UBE4B: variants seen among roughly 807,000 people sequenced by gnomAD.
The protein encoded by UBE4B is ubiquitin conjugation factor E4 B.
Under a neutral mutation model 148.1 loss-of-function variants are expected in UBE4B, and 27 were observed. The observed-to-expected ratio is 0.18, with a 90% CI of 0.13 to 0.25. UBE4B has a LOEUF of 0.25. Ranked by LOEUF, UBE4B falls within the 10% of genes least tolerant of loss-of-function variation. The pLI, the probability that UBE4B is intolerant of heterozygous loss-of-function variation, is 1.00. For synonymous variants in UBE4B, 596 were observed against 619.3 expected (o/e 0.96, Z 0.56); for missense variants, 1,170 against 1,662.4 (o/e 0.70, Z 5.15).
At chr1:10,055,540 A>C (rs1171636548) in intron 1 of UBE4B, among the ~76,000 whole-genome samples, 1 of 152,062 alleles carries the variant, frequency 6.6e-6, no homozygotes, top group East Asian at 1.9e-4. Flanking sequence ...CTGGTTTCCA[A>C]CTCCTGGCTT....
At chr1:10,117,839 T>C (rs1645338777) in intron 8 of UBE4B, among the ~76,000 whole-genome samples, 1 of 152,212 alleles carries the variant, frequency 6.6e-6, no homozygotes, top group South Asian at 2.1e-4. Context: ...ATGGCCTGGC[T>C]TCAGAGTCCT....
Position 10,180,758 on chromosome 1 carries a change from A to G in UBE4B, c.*802A>G, listed in dbSNP as rs749440881. 2.0e-5 allele frequency: 3 copies of G among 152,182 alleles called. No homozygotes were observed. The highest frequency in any genetic ancestry group is 2.9e-5 in the Non-Finnish European group (2 of 68,006). The allele number at this position is 152,182 out of a possible 1,614,324, so 9.4% of individuals were successfully genotyped here. On this transcript the variant is annotated 3_prime_UTR_variant, in exon 28 of 28. Coordinates refer to ENST00000343090, the MANE Select transcript of UBE4B (RefSeq NM_001105562.3). Reference sequence around the variant, plus strand: ...CAGCAAAATCTAGGGGTGTAAGTGTATCAGGACTTATGTGACTTATATTTT... The same window carrying G: ...CAGCAAAATCTAGGGGTGTAAGTGTGTCAGGACTTATGTGACTTATATTTT...
At chr1:10,166,943 A>G (rs886963582) in intron 23 of UBE4B, among the ~76,000 whole-genome samples, 1 of 128,896 alleles carries the variant, frequency 7.8e-6, no homozygotes, top group Non-Finnish European at 1.6e-5. Context: ...TAAATAAATC[A>G]CACACACACA....
rs1646157502 is a variant in UBE4B, at chr1:10,161,387, C to T, written c.3198+101C>T. ...CTGCATTTGTGGGTCTGATGATATG[C>T]GATCTGACATGCTGGGATTTTCCTT... On this transcript the variant is annotated intron_variant, in intron 23 of 27. Transcript: ENST00000343090. This position sits in a 1 kb window ranked among gnomAD's most constrained non-coding sequence, Gnocchi z 4.1. The T allele has an allele frequency of 5.3e-6, 7 of 1,332,490 alleles. No individual in the cohort carries two copies. The highest frequency in any genetic ancestry group is 5.2e-5 in the Admixed American group (2 of 38,688). The allele number at this position is 1,332,490 out of a possible 1,614,324, so 82.5% of individuals were successfully genotyped here.
chr1:10,140,934 A>G (rs771447743), intron 17 of UBE4B, among the ~76,000 whole-genome samples: 1 of 152,182 alleles, frequency 6.6e-6, no homozygotes, highest in African/African-American at 2.4e-5. Context: ...TGTCAATTCA[A>G]AGTTTGGGTC....
intron 17 of UBE4B, 105 bp from the exon 18 acceptor site, chr1:10,144,835 G>A: frequency 1.4e-6 from 1 of 712,412 alleles, no homozygotes; most frequent in Non-Finnish European, 2.3e-6. Context: ...ATGTTACAAT[G>A]CGAAAACAAA....
chr1:10,082,725 G>A (rs1644703122), intron 2 of UBE4B, among the ~76,000 whole-genome samples: 1 of 150,222 alleles, frequency 6.7e-6, no homozygotes, highest in Non-Finnish European at 1.5e-5. Context: ...GTGCCATGGT[G>A]GTTTGCTGCA....
chr1:10,035,531 G>C (rs1416846312), intron 1 of UBE4B, among the ~76,000 whole-genome samples: 6 of 147,666 alleles, frequency 4.1e-5, no homozygotes. Flanking sequence ...GGAGTAGCTG[G>C]GACTACAAGC....
At chr1:10,126,694 A>T in intron 10 of UBE4B, 100 bp from the exon 11 acceptor site, 13 of 1,013,956 alleles carry the variant, frequency 1.3e-5, no homozygotes, top group Non-Finnish European at 1.9e-5. Flanking sequence ...CTGGGGAAGG[A>T]ATGAAATTTG....
At chr1:10,107,577 T>C (rs1645137333) in intron 7 of UBE4B, among the ~76,000 whole-genome samples, 1 of 91,242 alleles carries the variant, frequency 1.1e-5, no homozygotes, top group Non-Finnish European at 2.0e-5. Context: ...TCTTTCTTTC[T>C]TTTTTTTTTT....
At chr1:10,140,744 T>G (rs1168589534) in intron 17 of UBE4B, among the ~76,000 whole-genome samples, 2 of 152,232 alleles carry the variant, frequency 1.3e-5, no homozygotes, top group African/African-American at 4.8e-5. Context: ...TGCTGTGATT[T>G]AAGAAGTATC....
At chr1:10,040,722 A>G (rs1367152712) in intron 1 of UBE4B, among the ~76,000 whole-genome samples, 2 of 151,276 alleles carry the variant, frequency 1.3e-5, no homozygotes, top group Non-Finnish European at 2.9e-5. Context: ...GGTTCAAGCG[A>G]TTCTCCTGCC....
chr1:10,098,128 C>T (rs921815907), intron 3 of UBE4B, among the ~76,000 whole-genome samples: 5 of 152,012 alleles, frequency 3.3e-5, no homozygotes, highest in East Asian at 1.9e-4. Flanking sequence ...GCCTCAGCCT[C>T]GCAAAGTGCT....
At chr1:10,036,828 G>C (rs1424294067) in intron 1 of UBE4B, among the ~76,000 whole-genome samples, 1 of 152,094 alleles carries the variant, frequency 6.6e-6, no homozygotes, top group East Asian at 1.9e-4. Context: ...TTATATTTCA[G>C]GGTTAAAACA....
In UBE4B at chr1:10,168,199, G is replaced by T. The variant is rs1181189771; in HGVS notation, c.3262G>T (p.Ala1088Ser). 3 of 1,614,004 alleles carry T rather than the reference G, an allele frequency of 1.9e-6. No individual in the cohort carries two copies. The highest frequency in any genetic ancestry group is 1.1e-5 in the South Asian group (1 of 91,058). ...QDERVSRSYL[A>S]LATETVDMFH... ...TGAGCGTGTGTCCCGCTCTTACCTC[G>T]CCCTGGCCACCGAAACCGTGGACAT... The change falls in exon 24 of 28, where the codon GCC (alanine) becomes TCC (serine). Residue 1088 changes from alanine to serine, a missense_variant. Physicochemically the swap from Ala to Ser is moderately conservative, Grantham distance 99. Coordinates refer to ENST00000343090, the MANE Select transcript of UBE4B (RefSeq NM_001105562.3). This position sits in a 1 kb window ranked among gnomAD's most constrained non-coding sequence, Gnocchi z 4.9.
At chr1:10,073,921 T>A (rs12751799) in intron 2 of UBE4B, among the ~76,000 whole-genome samples, 5 of 104,258 alleles carry the variant, frequency 4.8e-5, no homozygotes, top group African/African-American at 7.2e-5. Flanking sequence ...TTTCTTTCTA[T>A]TTTTTTTTTT....
chr1:10,153,963 T>TC lies in UBE4B; in HGVS notation c.2926+2405dup, dbSNP rs561900555. On this transcript the variant is annotated intron_variant, in intron 21 of 27. Coordinates refer to ENST00000343090, the MANE Select transcript of UBE4B (RefSeq NM_001105562.3). ...CTGGCATGGTGGCACATGCCTGTAA[T>TC]CCCAGCTACTTGGGAGGCTGAGGCA... 7.9e-5 allele frequency among the ~76,000 whole-genome samples: 12 copies of TC among 152,284 alleles called. No individual in the cohort carries two copies. The South Asian group carries it at 2.3e-3, about 29-fold the overall frequency.
chr1:10,129,189 T>C, intron 11 of UBE4B: 1 of 490,902 alleles, frequency 2.0e-6, no homozygotes, highest in Non-Finnish European at 3.7e-6. Context: ...TATATTTCTG[T>C]TTTATTTCAA....
At chr1:10,067,681 C>T (rs1230523628) in intron 1 of UBE4B, among the ~76,000 whole-genome samples, 1 of 150,990 alleles carries the variant, frequency 6.6e-6, no homozygotes, top group African/African-American at 2.4e-5. Context: ...TTATGGCTCT[C>T]TGCAGCCTTG....
Sources: gnomAD v4.1 joint callset for allele counts (sites outside exome capture counted in the v4.1 genomes callset) on GRCh38, gnomAD v4.1.1 for gene constraint, Gnocchi (gnomAD v3.1) non-coding constraint, MANE v1.5 for transcripts, NCBI Gene and HGNC (gene_info 2026-07-23, HGNC 2026-07-21) for gene names.